The following ATN1 variants were observed in gnomAD, a reference collection of about 807,000 sequenced individuals.
ATN1 encodes the protein atrophin-1.
ATN1 carries 19 observed loss-of-function variants against 85.8 expected under a neutral mutation model. That is an observed-to-expected ratio of 0.22 (90% CI 0.15 to 0.32). ATN1 has a LOEUF of 0.32. Ranked by LOEUF, ATN1 falls within the 10% of genes least tolerant of loss-of-function variation. The pLI is 1.00. For missense variants in ATN1, 1,453 were observed against 1,564.5 expected (o/e 0.93, Z 1.20); for synonymous variants, 674 against 657.0 (o/e 1.03, Z -0.39).
In ATN1 at chr12:6,936,905, A is replaced by T. The variant is rs1206826272; in HGVS notation, c.1638A>T (p.Pro546=). 14 of 1,613,908 alleles carry T rather than the reference A, an allele frequency of 8.7e-6. No individual in the cohort carries two copies. The highest frequency in any genetic ancestry group is 1.3e-5 in the African/African-American group (1 of 74,868). The change falls in exon 5 of 10, where the codon CCA becomes CCT. Residue 546 remains proline, a synonymous_variant. Transcript: ENST00000396684. ...CTCTGAGGCCCTACCCACCAGGGCCAGCACACCTGCCCCCACCTCACAGCC... is the reference window on the plus strand; with the variant it reads ...CTCTGAGGCCCTACCCACCAGGGCCTGCACACCTGCCCCCACCTCACAGCC... ...LGSLRPYPPG[P]AHLPPPHSQV... is the part of the protein sequence containing the mutation.
In ATN1 at chr12:6,935,494, C is replaced by T; in HGVS notation, c.280-53C>T. On this transcript the variant is annotated intron_variant, in intron 4 of 9. Coordinates refer to ENST00000396684, the MANE Select transcript of ATN1 (RefSeq NM_001940.4). This position sits in a 1 kb window ranked among gnomAD's most constrained non-coding sequence, Gnocchi z 5.3. The stretch of plus-strand genomic sequence containing the variant: ...GATTTTATGCAAGAGAGCCCCAAAT[C>T]TCAGGGAAGCAGGAAAGGAAAAGAG... 1 of 1,576,384 alleles carries T rather than the reference C, an allele frequency of 6.3e-7. No individual in the cohort carries two copies. The highest frequency in any genetic ancestry group is 8.6e-7 in the Non-Finnish European group (1 of 1,161,274).
At position 6,935,523 on chromosome 12, in the gene ATN1, A is replaced by G; in HGVS notation, c.280-24A>G. ...GGGAAGCAGGAAAGGAAAAGAGAAA[A>G]AATGAGTCTTCCCTTTTCTACAGCA... On this transcript the variant is annotated intron_variant, in intron 4 of 9. Transcript: ENST00000396684. The surrounding 1 kb of genome is among the most constrained non-coding windows in gnomAD (Gnocchi z 5.3). The G allele has an allele frequency of 4.4e-6, 7 of 1,598,336 alleles. No individual in the cohort carries two copies. The highest frequency in any genetic ancestry group is 6.0e-6 in the Non-Finnish European group (7 of 1,171,508).
rs782518132 is a variant in ATN1 at position 6,937,232 on chromosome 12, C to T, written c.1965C>T (p.Pro655=). The T allele has an allele frequency of 8.1e-6, 13 of 1,611,842 alleles. 1 individual carries two copies. The highest frequency in any genetic ancestry group is 2.2e-5 in the South Asian group (2 of 91,068). The part of the protein sequence containing the change: ...SPGAYKTATP[P]GYKPGSPPSF... ...GGGCCTACAAGACAGCCACCCCACC[C>T]GGATACAAACCCGGGTCGCCTCCCT... Residue 655 remains proline, a synonymous_variant, in exon 5 of 10, where the codon CCC becomes CCT. Transcript: ENST00000396684. The surrounding 1 kb of genome is among the most constrained non-coding windows in gnomAD (Gnocchi z 6.0).
intron 6 of ATN1, 68 bp downstream of exon 6, chr12:6,938,135 G>GCGCTA (rs1276274152): frequency 1.2e-5 from 18 of 1,473,452 alleles, no homozygotes; most frequent in South Asian, 2.7e-5. Flanking sequence ...GCGCTGCGCT[G>GCGCTA]CGCTACGCTA....
rs782800126 is a variant in ATN1 at position 6,938,725 on chromosome 12, C to T, written c.2762C>T (p.Pro921Leu). The change falls in exon 7 of 10, where the codon CCG (proline) becomes CTG (leucine). Residue 921 changes from proline (P) to leucine (L), a missense_variant. By Grantham distance (98) the Pro-to-Leu change is moderately conservative. Transcript: ENST00000396684. The part of the protein sequence containing the change: ...VDPGLLGYNV[P>L]ALYSSDPAAR... ...CCGGGGCTCCTGGGTTACAATGTCCCGGCCCTGTACAGCAGTGATCCAGCT... is the reference window on the plus strand; with the variant it reads ...CCGGGGCTCCTGGGTTACAATGTCCTGGCCCTGTACAGCAGTGATCCAGCT... 2 of 1,613,988 alleles carry T rather than the reference C, an allele frequency of 1.2e-6. No homozygotes were observed. The highest frequency in any genetic ancestry group is 1.7e-6 in the Non-Finnish European group (2 of 1,180,032).
In ATN1 at chr12:6,934,710, C is replaced by G. The variant is rs1242286137; in HGVS notation, c.279+132C>G. 1 of 685,618 alleles carries G rather than the reference C, an allele frequency of 1.5e-6. No homozygotes were observed. The highest frequency in any genetic ancestry group is 1.8e-5 in the African/African-American group (1 of 55,846). The allele number at this position is 685,618 out of a possible 1,614,324, so 42.5% of individuals were successfully genotyped here. On this transcript the variant is annotated intron_variant, in intron 4 of 9. Coordinates refer to ENST00000396684, the MANE Select transcript of ATN1 (RefSeq NM_001940.4). This position sits in a 1 kb window ranked among gnomAD's most constrained non-coding sequence, Gnocchi z 4.5. ...GGCCAGATCATAGTGCTTATGAGAG[C>G]AGTTCTGTCTATAATATGCCAGAGA...
In ATN1 at chr12:6,941,102, G is replaced by T; in HGVS notation, c.3358+79G>T. On this transcript the variant is annotated intron_variant, in intron 8 of 9. Coordinates refer to ENST00000396684, the MANE Select transcript of ATN1 (RefSeq NM_001940.4). The surrounding 1 kb of genome is among the most constrained non-coding windows in gnomAD (Gnocchi z 5.9). ...GTATTTGGGTGGGGGGATGGGCCTA[G>T]TTGGGCTTGGGGAGGGATGAGGAGG... 1 of 1,550,178 alleles carries T rather than the reference G, an allele frequency of 6.5e-7. No individual in the cohort carries two copies. The highest frequency in any genetic ancestry group is 1.4e-5 in the African/African-American group (1 of 73,944).
chr12:6,933,519 C>T (rs782121175), intron 1 of ATN1, among the ~76,000 whole-genome samples: 3 of 152,234 alleles, frequency 2.0e-5, no homozygotes, highest in East Asian at 1.9e-4. Context: ...TGTAAGGCTC[C>T]GTGGAATGTG....
chr12:6,934,536 T>C lies in ATN1; in HGVS notation c.237T>C (p.Ser79=). ...GTCGGAGTGAGGAGATCTCAGAGAG[T>C]GAAAGTGAGGAGACCAATGCACCAA... is the stretch of plus-strand genomic sequence containing the variant. ...KQGRSEEISE[S]ESEETNAPKK... The change falls in exon 4 of 10, where the codon AGT becomes AGC. Residue 79 remains serine (S), a synonymous_variant. Transcript: ENST00000396684. The surrounding 1 kb of genome is among the most constrained non-coding windows in gnomAD (Gnocchi z 4.5). 1 of 1,575,874 alleles carries C rather than the reference T, an allele frequency of 6.3e-7. No homozygotes were observed. The highest frequency in any genetic ancestry group is 8.6e-7 in the Non-Finnish European group (1 of 1,160,438).
Position 6,937,577 on chromosome 12 carries a change from G to C in ATN1, c.2294+16G>C. ...AGTCTGCCAGGTGAGCGGCCAGGTGGGGCGGAGGTGGGCCTGGAAAGGGGA... is the reference window on the plus strand; with the variant it reads ...AGTCTGCCAGGTGAGCGGCCAGGTGCGGCGGAGGTGGGCCTGGAAAGGGGA... On this transcript the variant is annotated intron_variant, in intron 5 of 9. Transcript: ENST00000396684. This position sits in a 1 kb window ranked among gnomAD's most constrained non-coding sequence, Gnocchi z 6.0. 1 of 1,477,816 alleles carries C rather than the reference G, an allele frequency of 6.8e-7. No homozygotes were observed. Among genetic ancestry groups the C allele is most frequent in the Admixed American group, 2.6e-5 (1 of 38,432 alleles). The allele number at this position is 1,477,816 out of a possible 1,614,324, so 91.5% of individuals were successfully genotyped here. A position where few individuals can be genotyped will look rare whatever the true frequency, so the allele number is the denominator to read the frequency against.
rs782154974 is a variant in ATN1 at position 6,941,512 on chromosome 12, C to T, written c.3497C>T (p.Pro1166Leu). ...EQQQWLHAHH[P>L]LHSVPLPAQE... Reference sequence around the variant, plus strand: ...CAGCAGTGGCTGCATGCCCATCACCCGCTGCACAGTGTGCCGCTGCCTGCC... The same window carrying T: ...CAGCAGTGGCTGCATGCCCATCACCTGCTGCACAGTGTGCCGCTGCCTGCC... Residue 1166 changes from proline to leucine, a missense_variant, in exon 9 of 10, where the codon CCG (proline) becomes CTG (leucine). Coordinates refer to ENST00000396684, the MANE Select transcript of ATN1 (RefSeq NM_001940.4). The surrounding 1 kb of genome is among the most constrained non-coding windows in gnomAD (Gnocchi z 5.9). The T allele has an allele frequency of 5.0e-6, 8 of 1,612,598 alleles. No homozygotes were observed. In the African/African-American group the frequency reaches 5.3e-5, roughly 11 times the overall value.
At chr12:6,927,860 C>G (rs782128845), upstream of ATN1, among the ~76,000 whole-genome samples, 1 of 151,556 alleles carries the variant, frequency 6.6e-6, no homozygotes, top group Non-Finnish European at 1.5e-5. Flanking sequence ...CGCGCCGGGT[C>G]GGGGCCTCGG....
At position 6,937,165 on chromosome 12, in the gene ATN1, C is replaced by A; in HGVS notation, c.1898C>A (p.Pro633Gln). The change falls in exon 5 of 10, where the codon CCA becomes CAA. Residue 633 changes from proline (P) to glutamine (Q), a missense_variant. Physicochemically the swap from Pro to Gln is moderately conservative, Grantham distance 76. Transcript: ENST00000396684. This position sits in a 1 kb window ranked among gnomAD's most constrained non-coding sequence, Gnocchi z 6.0. ...SSPAGYKTAS[P>Q]PGPPPYGKRA... is the part of the protein sequence containing the mutation. ...CCAGCAGGCTACAAAACGGCCTCCCCACCTGGGCCCCCACCGTACGGAAAG... is the reference window on the plus strand; with the variant it reads ...CCAGCAGGCTACAAAACGGCCTCCCAACCTGGGCCCCCACCGTACGGAAAG... The A allele has an allele frequency of 6.2e-7, 1 of 1,611,266 alleles. No individual in the cohort carries two copies. The highest frequency in any genetic ancestry group is 8.5e-7 in the Non-Finnish European group (1 of 1,179,810).
Position 6,936,539 on chromosome 12 carries a change from C to A in ATN1, c.1272C>A (p.Pro424=). 1 of 1,609,482 alleles carries A rather than the reference C, an allele frequency of 6.2e-7. No homozygotes were observed. The highest frequency in any genetic ancestry group is 8.5e-7 in the Non-Finnish European group (1 of 1,179,440). The change falls in exon 5 of 10, where the codon CCC becomes CCA. Residue 424 remains proline, a synonymous_variant. Coordinates refer to ENST00000396684, the MANE Select transcript of ATN1 (RefSeq NM_001940.4). The stretch of plus-strand genomic sequence containing the variant: ...CAAGCCTCTCTGTCTCCAATCAGCC[C>A]CCCAAGTATACTCAGCCTTCTCTCC... ...PPTSLSVSNQ[P]PKYTQPSLPS...
chr12:6,941,562 A>G lies in ATN1; in HGVS notation c.3539+8A>G. ...CCAGGAGGACTACTACAGGTACCCTAGGGTGCCCCAGCCCAGGGGACATGG... is the reference window on the plus strand; with the variant it reads ...CCAGGAGGACTACTACAGGTACCCTGGGGTGCCCCAGCCCAGGGGACATGG... On this transcript the variant is annotated splice_region_variant and intron_variant, in intron 9 of 9. Transcript: ENST00000396684. This position sits in a 1 kb window ranked among gnomAD's most constrained non-coding sequence, Gnocchi z 5.9. The G allele has an allele frequency of 3.7e-6, 6 of 1,612,390 alleles. No individual in the cohort carries two copies. Among genetic ancestry groups the G allele is most frequent in the Non-Finnish European group, 5.1e-6 (6 of 1,179,600 alleles).
chr12:6,925,273 AT>A (rs1945389098), upstream of ATN1, among the ~76,000 whole-genome samples: 1 of 151,936 alleles, frequency 6.6e-6, no homozygotes, highest in South Asian at 2.1e-4. Context: ...ATATGCCTAA[AT>A]TTTTCTTTTA....
Position 6,934,372 on chromosome 12 carries a change from G to A in ATN1, c.165+59G>A. Reference sequence around the variant, plus strand: ...CAAGGCACTGGGGCTGAGGGTGTGTGTGTGTTGTGGGGGAACTTCCTGTTT... The same window carrying A: ...CAAGGCACTGGGGCTGAGGGTGTGTATGTGTTGTGGGGGAACTTCCTGTTT... On this transcript the variant is annotated intron_variant, in intron 3 of 9. Transcript: ENST00000396684. This position sits in a 1 kb window ranked among gnomAD's most constrained non-coding sequence, Gnocchi z 4.5. 6.3e-7 allele frequency: 1 copy of A among 1,598,076 alleles called. No homozygotes were observed. The highest frequency in any genetic ancestry group is 8.5e-7 in the Non-Finnish European group (1 of 1,171,742).
chr12:6,942,105 G>A lies in ATN1; in HGVS notation c.*325G>A. 2.3e-6 allele frequency: 1 copy of A among 437,600 alleles called. No individual in the cohort carries two copies. The highest frequency in any genetic ancestry group is 4.2e-6 in the Non-Finnish European group (1 of 237,034). 27.1% of individuals were successfully genotyped at this position (437,600 alleles called of 1,614,324 possible). On this transcript the variant is annotated 3_prime_UTR_variant, in exon 10 of 10. Transcript: ENST00000396684. ...GCCGCCCCTCCCCTGCCCCGTTGGT[G>A]TGATTATTTCATCTGTTAGATGTGG...
At chr12:6,939,810 C>G (rs1034811937) in intron 7 of ATN1, among the ~76,000 whole-genome samples, 1 of 152,116 alleles carries the variant, frequency 6.6e-6, no homozygotes, top group African/African-American at 2.4e-5. Flanking sequence ...AACCCACAAA[C>G]CTATCTTCTG....
Sources: allele counts gnomAD v4.1 joint callset (sites outside exome capture counted in the v4.1 genomes callset), GRCh38; gene constraint gnomAD v4.1.1; non-coding constraint Gnocchi (gnomAD v3.1); transcripts MANE v1.5; gene names NCBI Gene and HGNC (gene_info 2026-07-23, HGNC 2026-07-21).